Variants in ZNF638 observed in about 807,000 individuals in gnomAD.
The protein encoded by ZNF638 is zinc finger protein 638.
A neutral mutation model predicts 195.6 loss-of-function variants in ZNF638; 46 were observed. That is an observed-to-expected ratio of 0.24 (90% CI 0.19 to 0.30). The LOEUF (loss-of-function observed/expected upper bound fraction) is 0.30. Ranked by LOEUF, ZNF638 falls within the 10% of genes least tolerant of loss-of-function variation. The pLI, the probability that ZNF638 is intolerant of heterozygous loss-of-function variation, is 1.00. For missense variants in ZNF638, 2,440 were observed against 2,325.3 expected (o/e 1.05, Z -1.01); for synonymous variants, 845 against 772.0 (o/e 1.09, Z -1.57).
intron 8 of ZNF638, among the ~76,000 whole-genome samples, chr2:71,376,744 A>G (rs2079434588): frequency 6.6e-6 from 1 of 152,136 alleles, no homozygotes; most frequent in South Asian, 2.1e-4. Flanking sequence ...CCCTATGTTA[A>G]TATGGATTTG....
At chr2:71,348,588 A>G in intron 1 of ZNF638, 165 bp from the exon 2 acceptor site, 1 of 1,198,964 alleles carries the variant, frequency 8.3e-7, no homozygotes, top group Non-Finnish European at 1.1e-6. Flanking sequence ...AAAAGAAGAG[A>G]AAGTTTTTGG....
At chr2:71,390,778 G>C (rs1401438512) in intron 10 of ZNF638, among the ~76,000 whole-genome samples, 2 of 152,022 alleles carry the variant, frequency 1.3e-5, no homozygotes, top group Non-Finnish European at 2.9e-5. Context: ...CTTGGCCTTG[G>C]GTCACTCAGA....
intron 10 of ZNF638, among the ~76,000 whole-genome samples, chr2:71,390,732 A>C (rs2079755955): frequency 2.0e-5 from 3 of 152,250 alleles, no homozygotes; most frequent in Non-Finnish European, 4.4e-5. Flanking sequence ...ACAGGGGTGA[A>C]TATTTCGATT....
chr2:71,385,031 G>A (rs1006465487), intron 10 of ZNF638, among the ~76,000 whole-genome samples: 2 of 152,160 alleles, frequency 1.3e-5, no homozygotes, highest in African/African-American at 4.8e-5. Context: ...AAAGCTTCCT[G>A]TAAAAGGGGA....
At chr2:71,393,897 C>CT (rs777139735) in intron 10 of ZNF638, among the ~76,000 whole-genome samples, 2 of 152,160 alleles carry the variant, frequency 1.3e-5, no homozygotes, top group Non-Finnish European at 2.9e-5. Context: ...ACTCCATTAT[C>CT]TTCCCACTGT....
chr2:71,404,144 C>T (rs2080058401), intron 17 of ZNF638, 146 bp downstream of exon 17: 1 of 724,366 alleles, frequency 1.4e-6, no homozygotes, highest in Non-Finnish European at 2.2e-6. Context: ...CCAACAATCA[C>T]CCAGTCACCC....
At chr2:71,393,494 A>C (rs2079829851) in intron 10 of ZNF638, 2 of 717,996 alleles carry the variant, frequency 2.8e-6, no homozygotes, top group Non-Finnish European at 5.2e-6. Context: ...CAGGACCCGC[A>C]GCTCCAGACA....
At chr2:71,395,279 ACG>A (rs1558866505) in intron 10 of ZNF638, 1 of 717,304 alleles carries the variant, frequency 1.4e-6, no homozygotes, top group Non-Finnish European at 2.6e-6. Flanking sequence ...AGTAATCGCT[ACG>A]CCTGACAAAC....
intron 6 of ZNF638, among the ~76,000 whole-genome samples, chr2:71,366,184 T>A (rs1171160924): frequency 8.6e-5 from 13 of 152,014 alleles, no homozygotes; most frequent in Admixed American, 8.5e-4. Flanking sequence ...ACTCCCTCTC[T>A]ACAAAAAATA....
At chr2:71,409,024 A>T (rs186924830) in intron 20 of ZNF638, among the ~76,000 whole-genome samples, 39 of 152,234 alleles carry the variant, frequency 2.6e-4, no homozygotes, top group African/African-American at 8.9e-4. Context: ...AAAAGTTGTC[A>T]TTTATATTTT....
intron 21 of ZNF638, among the ~76,000 whole-genome samples, chr2:71,422,012 C>T (rs551219684): frequency 2.0e-5 from 3 of 152,170 alleles, no homozygotes; most frequent in African/African-American, 7.2e-5. Flanking sequence ...TATACTTAGC[C>T]ATGTATTTCC....
At chr2:71,362,120 A>T (rs2079119586) in intron 3 of ZNF638, among the ~76,000 whole-genome samples, 1 of 152,224 alleles carries the variant, frequency 6.6e-6, no homozygotes, top group South Asian at 2.1e-4. Context: ...GAGTGAAGAT[A>T]CAGCCTTTTT....
intron 24 of ZNF638, among the ~76,000 whole-genome samples, chr2:71,427,820 A>G (rs954325514): frequency 6.6e-6 from 1 of 152,216 alleles, no homozygotes; most frequent in African/African-American, 2.4e-5. Flanking sequence ...ATTTGATTTT[A>G]AAGTAATATT....
Position 71,380,517 on chromosome 2 carries a change from G to A in ZNF638, c.2329G>A (p.Asp777Asn). Residue 777 changes from aspartate to asparagine, a missense_variant, in exon 10 of 28, where the codon GAT (aspartate) becomes AAT (asparagine). Physicochemically the swap from Asp to Asn is conservative, Grantham distance 23 (BLOSUM62 1). This residue lies in a region of ZNF638 where 1,883 missense variants were observed against 1,739.1 expected (regional missense o/e 1.08). Coordinates refer to ENST00000264447, the MANE Select transcript of ZNF638 (RefSeq NM_014497.5). Reference sequence around the variant, plus strand: ...ATTTTTTCTCCTTTTAAATAGAAGAGATGCAGATGCTTCAAAAGCTGTTGA... The same window carrying A: ...ATTTTTTCTCCTTTTAAATAGAAGAAATGCAGATGCTTCAAAAGCTGTTGA... Reference protein sequence around the residue: ...KKVSASTLKRDADASKAVEIV... With the variant: ...KKVSASTLKRNADASKAVEIV... The A allele has an allele frequency of 6.2e-7, 1 of 1,604,264 alleles. No individual in the cohort carries two copies.
Position 71,380,278 on chromosome 2 carries a change from AAAGT to A in ZNF638, c.2324+3_2324+6del. On this transcript the variant is annotated splice_donor_variant and coding_sequence_variant, in exon 9 of 28. Transcript: ENST00000264447. LOFTEE classifies it high-confidence loss of function. ...CAAAGAAAGTATCTGCATCTACCTT[AAAGT>A]AAGTGACTTTATGATTTCATATGTG... 1.3e-6 allele frequency: 2 copies of A among 1,561,880 alleles called. No homozygotes were observed. Among genetic ancestry groups the A allele is most frequent in the Non-Finnish European group, 1.7e-6 (2 of 1,158,076 alleles).
chr2:71,396,415 A>G (rs1339047513), intron 11 of ZNF638, among the ~76,000 whole-genome samples: 1 of 152,188 alleles, frequency 6.6e-6, no homozygotes, highest in Non-Finnish European at 1.5e-5. Context: ...TCTTATGATG[A>G]GTATCACATA....
intron 10 of ZNF638, among the ~76,000 whole-genome samples, chr2:71,388,921 G>C (rs2079708684): frequency 6.6e-6 from 1 of 152,168 alleles, no homozygotes. Flanking sequence ...CATAATCCAT[G>C]GTTCCCAGCA....
intron 8 of ZNF638, among the ~76,000 whole-genome samples, chr2:71,370,965 CCTCT>C (rs2104304496): frequency 6.6e-6 from 1 of 152,130 alleles, no homozygotes; most frequent in Non-Finnish European, 1.5e-5. Context: ...ATTATCCCCT[CCTCT>C]ACCCCCTGTT....
At chr2:71,387,334 A>G (rs572947893) in intron 10 of ZNF638, among the ~76,000 whole-genome samples, 2 of 152,334 alleles carry the variant, frequency 1.3e-5, no homozygotes, top group East Asian at 1.9e-4. Flanking sequence ...AAAAAGATCA[A>G]TTATTCATTA....
Sources: allele counts gnomAD v4.1 joint callset (sites outside exome capture counted in the v4.1 genomes callset), GRCh38; gene constraint gnomAD v4.1.1; regional missense constraint gnomAD v4.1.1; transcripts MANE v1.5; gene names NCBI Gene and HGNC (gene_info 2026-07-23, HGNC 2026-07-21).